The following UBA6 variants were observed in gnomAD, a reference collection of about 807,000 sequenced individuals.
UBA6 encodes ubiquitin like modifier activating enzyme 6, also known as ubiquitin-like modifier-activating enzyme 6.
UBA6 carries 87 observed loss-of-function variants against 148.3 expected under a neutral mutation model. The observed-to-expected ratio is 0.59, with a 90% CI of 0.49 to 0.70. UBA6 has a LOEUF of 0.70. Among genes scored for constraint, UBA6 ranks in the 30% least tolerant of loss-of-function variants. The pLI is 0.00. For synonymous variants in UBA6, 376 were observed against 401.0 expected (o/e 0.94, Z 0.75); for missense variants, 1,186 against 1,241.2 (o/e 0.96, Z 0.67).
Position 67,641,222 on chromosome 4 carries a change from C to A in UBA6, c.1483G>T (p.Val495Phe). The A allele has an allele frequency of 6.3e-7, 1 of 1,576,432 alleles. No homozygotes were observed. Residue 495 changes from valine (V) to phenylalanine (F), a missense_variant, in exon 18 of 33, where the codon GTT becomes TTT. Coordinates refer to ENST00000322244, the MANE Select transcript of UBA6 (RefSeq NM_018227.6). Reference protein sequence around the residue: ...GTSKEKGMITVTDPDLIEKSN... With the variant: ...GTSKEKGMITFTDPDLIEKSN... ...TTCTCTATCAAGTCAGGATCTGTAACTGTAATCTAATATCAAGAAAATATG... is the reference window on the plus strand; with the variant it reads ...TTCTCTATCAAGTCAGGATCTGTAAATGTAATCTAATATCAAGAAAATATG...
intron 1 of UBA6, 51 bp downstream of exon 1, chr4:67,700,998 A>C (rs1730968225): frequency 1.2e-6 from 2 of 1,600,538 alleles, no homozygotes; most frequent in Admixed American, 3.3e-5. Flanking sequence ...AGAAACCCGG[A>C]GCCTGGGTCC....
chr4:67,616,446 T>C lies in UBA6; in HGVS notation c.*2551A>G, dbSNP rs886926551. ...CATAGTAGATTAAAAAATAAAGATA[T>C]ACATTTATTTCCATGTCCTACCTTT... On this transcript the variant is annotated 3_prime_UTR_variant, in exon 33 of 33. Transcript: ENST00000322244. The C allele has an allele frequency of 4.0e-6, 1 of 251,566 alleles. No homozygotes were observed. The highest frequency in any genetic ancestry group is 7.5e-6 in the Non-Finnish European group (1 of 133,598). The allele number at this position is 251,566 out of a possible 1,614,324, so 15.6% of individuals were successfully genotyped here.
intron 32 of UBA6, 58 bp from the exon 33 acceptor site, chr4:67,619,190 T>C: frequency 7.3e-7 from 1 of 1,370,474 alleles, no homozygotes; most frequent in Non-Finnish European, 1.0e-6. Flanking sequence ...GAAAAAATGA[T>C]TTGCTGACTA....
chr4:67,655,371 C>CAGG (rs748516041), intron 13 of UBA6, among the ~76,000 whole-genome samples: 5 of 152,170 alleles, frequency 3.3e-5, no homozygotes, highest in African/African-American at 7.2e-5. Context: ...AATTAGAACT[C>CAGG]AGGATTAAGA....
At chr4:67,693,709 T>C (rs1042207694) in intron 2 of UBA6, among the ~76,000 whole-genome samples, 26 of 152,330 alleles carry the variant, frequency 1.7e-4, no homozygotes, top group African/African-American at 4.1e-4. Flanking sequence ...GTCGGAACTG[T>C]GGCTGTGTGA....
rs751039205 is a variant in UBA6 at position 67,635,604 on chromosome 4, C to G, written c.1737-46G>C. On this transcript the variant is annotated intron_variant, in intron 19 of 32. Transcript: ENST00000322244. Reference sequence around the variant, plus strand: ...TAAAAAACAAAAAAGTGAGCAATAACAATGTAACCAAAGGACAACCTACAA... The same window carrying G: ...TAAAAAACAAAAAAGTGAGCAATAAGAATGTAACCAAAGGACAACCTACAA... 3 of 1,178,410 alleles carry G rather than the reference C, an allele frequency of 2.5e-6. No individual in the cohort carries two copies. In the African/African-American group the frequency reaches 4.5e-5, roughly 18 times the overall value. 73.0% of individuals were successfully genotyped at this position (1,178,410 alleles called of 1,614,324 possible).
Position 67,618,121 on chromosome 4 carries a change from A to T in UBA6, c.*876T>A, listed in dbSNP as rs1043166483. ...GACTACCCTAGCAATAATTTTTAACATTCTACATTTCATCTATTTCTAAAG... is the reference window on the plus strand; with the variant it reads ...GACTACCCTAGCAATAATTTTTAACTTTCTACATTTCATCTATTTCTAAAG... On this transcript the variant is annotated 3_prime_UTR_variant, in exon 33 of 33. Transcript: ENST00000322244. 6.6e-6 allele frequency: 1 copy of T among 151,802 alleles called. No homozygotes were observed. The highest frequency in any genetic ancestry group is 2.4e-5 in the African/African-American group (1 of 41,376). 9.4% of individuals were successfully genotyped at this position (151,802 alleles called of 1,614,324 possible). A position where few individuals can be genotyped will look rare whatever the true frequency, so the allele number is the denominator to read the frequency against.
chr4:67,623,053 C>T (rs948307150), intron 31 of UBA6, 82 bp downstream of exon 31: 2 of 1,347,098 alleles, frequency 1.5e-6, no homozygotes, highest in Middle Eastern at 1.9e-4. Context: ...ATAATTATAA[C>T]TTCCAATAAA....
intron 27 of UBA6, 33 bp downstream of exon 27, chr4:67,629,038 C>T (rs1728937319): frequency 6.8e-7 from 1 of 1,477,248 alleles, no homozygotes; most frequent in African/African-American, 1.4e-5. Flanking sequence ...AATTCCCAAA[C>T]TATTTGCTGA....
chr4:67,694,393 C>CT (rs201952800), intron 2 of UBA6, among the ~76,000 whole-genome samples: 3,935 of 140,780 alleles, frequency 0.028, 86 homozygotes, highest in East Asian at 0.11. Flanking sequence ...CTTTGTATTT[C>CT]TTTTTTTTTT....
At chr4:67,696,781 C>T (rs1191252833) in intron 1 of UBA6, 74 bp from the exon 2 acceptor site, 1 of 1,201,684 alleles carries the variant, frequency 8.3e-7, no homozygotes, top group Non-Finnish European at 1.2e-6. Flanking sequence ...TGATCAGATT[C>T]ACCAGTTACT....
rs558590118 is a variant in UBA6, at chr4:67,614,536, C to T, written c.*4461G>A. On this transcript the variant is annotated 3_prime_UTR_variant, in exon 33 of 33. Transcript: ENST00000322244. ...AATAAAACCCAGATTTTTCAATAAACGGTAGTGAGGCATCTCCTAGCATAC... is the reference window on the plus strand; with the variant it reads ...AATAAAACCCAGATTTTTCAATAAATGGTAGTGAGGCATCTCCTAGCATAC... 4.6e-5 allele frequency: 7 copies of T among 152,130 alleles called. No individual in the cohort carries two copies. Among genetic ancestry groups the T allele is most frequent in the East Asian group, 3.9e-4 (2 of 5,168 alleles). The allele number at this position is 152,130 out of a possible 1,614,324, so 9.4% of individuals were successfully genotyped here.
intron 13 of UBA6, among the ~76,000 whole-genome samples, chr4:67,660,573 T>C (rs1228451008): frequency 6.6e-6 from 1 of 152,144 alleles, no homozygotes; most frequent in Non-Finnish European, 1.5e-5. Flanking sequence ...TTTTAGAGGA[T>C]GTATGAAAAC....
chr4:67,692,316 G>A (rs2109959212), intron 2 of UBA6, among the ~76,000 whole-genome samples: 1 of 152,274 alleles, frequency 6.6e-6, no homozygotes, highest in African/African-American at 2.4e-5. Context: ...GTAGAAGAAA[G>A]TGCTCTATTT....
chr4:67,693,552 T>C (rs1249194172), intron 2 of UBA6, among the ~76,000 whole-genome samples: 1 of 152,198 alleles, frequency 6.6e-6, no homozygotes, highest in Non-Finnish European at 1.5e-5. Flanking sequence ...AACTATACTA[T>C]ACTACACACT....
intron 17 of UBA6, 148 bp downstream of exon 17, chr4:67,644,550 T>G: frequency 1.8e-6 from 1 of 559,756 alleles, no homozygotes; most frequent in Non-Finnish European, 3.3e-6. Flanking sequence ...TTTTGAAAAG[T>G]GGTCAGAAGG....
chr4:67,663,462 T>C (rs932276555), intron 11 of UBA6: 1 of 397,064 alleles, frequency 2.5e-6, no homozygotes, highest in African/African-American at 2.1e-5. Context: ...AAACTGTTAG[T>C]TCCTTCCTTA....
chr4:67,625,152 CTTT>C lies in UBA6; in HGVS notation c.2551_2553del (p.Lys851del), dbSNP rs1728837346. Reference sequence around the variant, plus strand: ...TCTATGTGTCCATTATGATCATCATCTTTTTCAAATGAAAGCACTGCCATCTGA... The same window carrying C: ...TCTATGTGTCCATTATGATCATCATCTTCAAATGAAAGCACTGCCATCTGA... On this transcript the variant is annotated inframe_deletion, in exon 29 of 33. Transcript: ENST00000322244. 6.2e-7 allele frequency: 1 copy of C among 1,611,354 alleles called. No homozygotes were observed. Among genetic ancestry groups the C allele is most frequent in the African/African-American group, 1.3e-5 (1 of 74,840 alleles).
At chr4:67,619,603 G>A (rs1728706387) in intron 32 of UBA6, among the ~76,000 whole-genome samples, 1 of 152,200 alleles carries the variant, frequency 6.6e-6, no homozygotes, top group African/African-American at 2.4e-5. Context: ...TTGAACCTGG[G>A]AGACAGAGGT....
Sources: gnomAD v4.1 joint callset for allele counts (sites outside exome capture counted in the v4.1 genomes callset) on GRCh38, gnomAD v4.1.1 for gene constraint, MANE v1.5 for transcripts, NCBI Gene and HGNC (gene_info 2026-07-23, HGNC 2026-07-21) for gene names.